SYN2: variants seen among roughly 807,000 people sequenced by gnomAD.
The protein encoded by SYN2 is synapsin II, also known as synapsin-2.
Under a neutral mutation model 50.9 loss-of-function variants are expected in SYN2, and 19 were observed. That is an observed-to-expected ratio of 0.37 (90% CI 0.26 to 0.55). The LOEUF (loss-of-function observed/expected upper bound fraction) is 0.55. Among genes scored for constraint, SYN2 ranks in the 20% least tolerant of loss-of-function variants. The pLI is 0.81. For missense variants in SYN2, 587 were observed against 576.4 expected, an observed-to-expected ratio of 1.02 and a Z score of -0.19; for synonymous variants, 255 against 224.9, an observed-to-expected ratio of 1.13 and a Z score of -1.20.
intron 1 of SYN2, among the ~76,000 whole-genome samples, chr3:12,131,228 C>CTTTT (rs1236662501): frequency 1.3e-5 from 2 of 152,132 alleles, no homozygotes; most frequent in Non-Finnish European, 2.9e-5. Flanking sequence ...CTGAAGCAGA[C>CTTTT]TTAAAAGAAG....
intron 1 of SYN2, among the ~76,000 whole-genome samples, chr3:12,095,776 G>A (rs967022980): frequency 2.0e-5 from 3 of 151,034 alleles, no homozygotes; most frequent in Admixed American, 2.0e-4. Context: ...TCAAAACAGA[G>A]CCCTTAGTTG....
At chr3:12,104,200 A>G (rs573635095) in intron 1 of SYN2, among the ~76,000 whole-genome samples, 4 of 152,198 alleles carry the variant, frequency 2.6e-5, no homozygotes, top group Non-Finnish European at 5.9e-5. Flanking sequence ...TGGCATGATC[A>G]TAGATCACTG....
rs143292822 is a variant in SYN2 at position 12,075,086 on chromosome 3, TTAATC to T, written c.378-65562_378-65558del. ...ATAGCTTACTAAATATGTACTGTCA[TTAATC>T]TATTCTCCTTACAACAATGTGAATA... On this transcript the variant is annotated intron_variant, in intron 1 of 12. Transcript: ENST00000621198. 3.8e-3 allele frequency among the ~76,000 whole-genome samples: 573 copies of T among 152,274 alleles called. 3 individuals are homozygous for T. Among genetic ancestry groups the T allele is most frequent in the African/African-American group, 0.013 (546 of 41,566 alleles).
intron 8 of SYN2, among the ~76,000 whole-genome samples, chr3:12,167,552 C>G (rs1697832972): frequency 6.6e-6 from 1 of 152,064 alleles, no homozygotes; most frequent in East Asian, 1.9e-4. Flanking sequence ...GAAGCAGATG[C>G]TGGCACCATG....
At chr3:12,178,766 T>G (rs149456607) in intron 10 of SYN2, among the ~76,000 whole-genome samples, 1 of 152,340 alleles carries the variant, frequency 6.6e-6, no homozygotes, top group East Asian at 1.9e-4. Context: ...CTTTACAGTT[T>G]ACAAAGCACA....
rs147261143 is a variant in SYN2 at position 12,163,876 on chromosome 3, A to G, written c.980+1722A>G. ...CAGATTGCTTGAGCCTAGGAGTTCA[A>G]GACCAACCTGGGAAACATGGTGAGA... On this transcript the variant is annotated intron_variant, in intron 7 of 12. Coordinates refer to ENST00000621198, the MANE Select transcript of SYN2 (RefSeq NM_133625.6). Among the ~76,000 whole-genome samples, 14 of 152,264 alleles carry G rather than the reference A, an allele frequency of 9.2e-5. No homozygotes were observed. The East Asian group carries it at 2.7e-3, about 29-fold the overall frequency.
chr3:12,026,792 T>C (rs1414207909), intron 1 of SYN2, among the ~76,000 whole-genome samples: 1 of 152,170 alleles, frequency 6.6e-6, no homozygotes, highest in East Asian at 1.9e-4. Flanking sequence ...ATGTTAAATA[T>C]TGTTTGGGTT....
At chr3:12,100,273 A>G (rs1696043316) in intron 1 of SYN2, among the ~76,000 whole-genome samples, 2 of 152,326 alleles carry the variant, frequency 1.3e-5, no homozygotes, top group South Asian at 4.1e-4. Flanking sequence ...ATGGTATAGT[A>G]CTGGCATAAG....
In SYN2 at chr3:12,004,922, C is replaced by A. The variant is rs760341316; in HGVS notation, c.371C>A (p.Ala124Asp). ...CTGCTGGTGGTCGACGAGCCGCACG[C>A]CGACTGGTAGGTGCCGGGCGCCGCC... The part of the protein sequence containing the change: ...KVLLVVDEPH[A>D]DWAKCFRGKK... Residue 124 changes from alanine (A) to aspartate (D), a missense_variant, in exon 1 of 13, where the codon GCC becomes GAC. Physicochemically the swap from Ala to Asp is moderately radical, Grantham distance 126. Coordinates refer to ENST00000621198, the MANE Select transcript of SYN2 (RefSeq NM_133625.6). 3 of 568,636 alleles carry A rather than the reference C, an allele frequency of 5.3e-6. No individual in the cohort carries two copies. The highest frequency in any genetic ancestry group is 4.0e-5 in the South Asian group (2 of 49,424). The allele number at this position is 568,636 out of a possible 1,614,324, so 35.2% of individuals were successfully genotyped here.
chr3:12,019,952 C>G (rs1398147829), intron 1 of SYN2, among the ~76,000 whole-genome samples: 1 of 152,154 alleles, frequency 6.6e-6, no homozygotes, highest in African/African-American at 2.4e-5. Context: ...ATTGATGATG[C>G]TTTTGCTTAG....
At chr3:12,068,654 A>AT (rs533904337) in intron 1 of SYN2, among the ~76,000 whole-genome samples, 65 of 150,928 alleles carry the variant, frequency 4.3e-4, no homozygotes, top group African/African-American at 1.6e-3. Flanking sequence ...GTAGATTTAA[A>AT]TTTTTTTCTC....
intron 11 of SYN2, among the ~76,000 whole-genome samples, chr3:12,186,384 G>A (rs556992715): frequency 1.3e-5 from 2 of 152,324 alleles, no homozygotes; most frequent in East Asian, 3.9e-4. Flanking sequence ...AACTCCCAGA[G>A]GAAGGAGGAC....
chr3:12,089,493 G>A (rs1431779352), intron 1 of SYN2, among the ~76,000 whole-genome samples: 3 of 152,160 alleles, frequency 2.0e-5, no homozygotes. Context: ...CCATATCAAT[G>A]CGCAATCATT....
intron 8 of SYN2, among the ~76,000 whole-genome samples, chr3:12,167,976 A>G (rs1697843819): frequency 6.6e-6 from 1 of 152,152 alleles, no homozygotes; most frequent in South Asian, 2.1e-4. Flanking sequence ...GGATTTATGG[A>G]AGGCTGAATT....
At chr3:12,112,384 G>A (rs892631606) in intron 1 of SYN2, among the ~76,000 whole-genome samples, 13 of 152,040 alleles carry the variant, frequency 8.6e-5, no homozygotes, top group African/African-American at 2.9e-4. Flanking sequence ...GGTGACATGG[G>A]CCACTTAGGT....
intron 1 of SYN2, among the ~76,000 whole-genome samples, chr3:12,076,624 G>A (rs769208348): frequency 6.6e-6 from 1 of 151,878 alleles, no homozygotes; most frequent in Non-Finnish European, 1.5e-5. Flanking sequence ...CTAGGTGTTA[G>A]ACACTATGCT....
chr3:12,161,586 A>G lies in SYN2; in HGVS notation c.815A>G (p.His272Arg). 2 of 1,614,036 alleles carry G rather than the reference A, an allele frequency of 1.2e-6. No homozygotes were observed. Among genetic ancestry groups the G allele is most frequent in the Non-Finnish European group, 1.7e-6 (2 of 1,179,888 alleles). ...PTFPVVVKIG[H>R]AHSGMGKVKV... ...TTCCCTGTGGTGGTGAAGATTGGCC[A>G]CGCTCACTCAGGCATGGGCAAGGTG... Residue 272 changes from histidine to arginine, a missense_variant, in exon 6 of 13, where the codon CAC (histidine) becomes CGC (arginine). Physicochemically the swap from His to Arg is conservative, Grantham distance 29. Transcript: ENST00000621198.
At chr3:12,161,925 G>A in intron 6 of SYN2, 87 bp from the exon 7 acceptor site, 1 of 1,550,210 alleles carries the variant, frequency 6.5e-7, no homozygotes, top group African/African-American at 1.4e-5. Context: ...CATATTGGTG[G>A]GTTTGGAGGC....
intron 1 of SYN2, among the ~76,000 whole-genome samples, chr3:12,060,204 A>C (rs983227803): frequency 1.1e-4 from 16 of 152,194 alleles, no homozygotes; most frequent in African/African-American, 3.9e-4. Flanking sequence ...CTGTAGTCTT[A>C]ACAGTGGCAT....
Sources: gnomAD v4.1 joint callset for allele counts (sites outside exome capture counted in the v4.1 genomes callset) on GRCh38, gnomAD v4.1.1 for gene constraint, MANE v1.5 for transcripts, NCBI Gene and HGNC (gene_info 2026-07-23, HGNC 2026-07-21) for gene names.